Variants in ABCA4 observed in about 807,000 individuals in gnomAD.
ABCA4 encodes ATP binding cassette subfamily A member 4.
Under a neutral mutation model 263.7 loss-of-function variants are expected in ABCA4, and 196 were observed. That is an observed-to-expected ratio of 0.74 (90% CI 0.66 to 0.84). The LOEUF is 0.84. Ranked by LOEUF, ABCA4 falls within the 40% of genes least tolerant of loss-of-function variation. The pLI is 0.00. For missense variants in ABCA4, 2,792 were observed against 2,855.1 expected, an observed-to-expected ratio of 0.98 and a Z score of 0.50; for synonymous variants, 1,133 against 1,094.2, an observed-to-expected ratio of 1.04 and a Z score of -0.70.
At chr1:94,043,794 G>T (rs995288413) in intron 20 of ABCA4, among the ~76,000 whole-genome samples, 1 of 151,842 alleles carries the variant, frequency 6.6e-6, no homozygotes, top group Non-Finnish European at 1.5e-5. Flanking sequence ...AAAAAGTCAG[G>T]TTATAAAATT....
intron 6 of ABCA4, among the ~76,000 whole-genome samples, chr1:94,091,270 CTCT>C: frequency 1.3e-5 from 2 of 152,170 alleles, no homozygotes; most frequent in Non-Finnish European, 2.9e-5. Flanking sequence ...TCCTTCCCAG[CTCT>C]TTTTAGTGGG....
At chr1:94,027,207 T>C (rs746868095) in intron 30 of ABCA4, among the ~76,000 whole-genome samples, 1 of 152,226 alleles carries the variant, frequency 6.6e-6, no homozygotes, top group Non-Finnish European at 1.5e-5. Flanking sequence ...GGAACTGGCT[T>C]GCCTTTTTCT....
chr1:94,062,357 T>A (rs954196109), intron 13 of ABCA4, among the ~76,000 whole-genome samples: 3 of 152,050 alleles, frequency 2.0e-5, no homozygotes, highest in Non-Finnish European at 4.4e-5. Context: ...CAACATCAAC[T>A]CTTTTCCCTT....
intron 6 of ABCA4, among the ~76,000 whole-genome samples, chr1:94,093,721 G>A (rs534566170): frequency 1.3e-5 from 2 of 152,326 alleles, no homozygotes; most frequent in South Asian, 4.1e-4. Context: ...AAGACATCAA[G>A]GCAGGCAAGT....
At chr1:94,060,194 CTG>C (rs1661081186) in intron 14 of ABCA4, among the ~76,000 whole-genome samples, 1 of 152,194 alleles carries the variant, frequency 6.6e-6, no homozygotes, top group African/African-American at 2.4e-5. Context: ...CTGATTTTTT[CTG>C]TGTTTGGAAA....
At position 94,021,622 on chromosome 1, in the gene ABCA4, T is replaced by A; in HGVS notation, c.4848+18A>T. 6.2e-7 allele frequency: 1 copy of A among 1,603,892 alleles called. No homozygotes were observed. Among genetic ancestry groups the A allele is most frequent in the South Asian group, 1.1e-5 (1 of 90,500 alleles). On this transcript the variant is annotated intron_variant, in intron 34 of 49. Coordinates refer to ENST00000370225, the MANE Select transcript of ABCA4 (RefSeq NM_000350.3). The stretch of plus-strand genomic sequence containing the variant: ...GTAAATTTTTAGCTCCAGAGCAGAT[T>A]ATACATAGGTCAAGTACCTTAATGT...
At position 94,078,657 on chromosome 1, in the gene ABCA4, G is replaced by T; in HGVS notation, c.1289C>A (p.Ala430Asp). ...GATCTGGGGCCCTACTTCTTCCCAG[G>T]CTTTGACCAACTTCCTAACGTGTTC... ...ELEHVRKLVK[A>D]WEEVGPQIWY... Residue 430 changes from alanine (A) to aspartate (D), a missense_variant, in exon 10 of 50, where the codon GCC becomes GAC. By Grantham distance (126) the Ala-to-Asp change is moderately radical. Transcript: ENST00000370225. 1 of 1,610,174 alleles carries T rather than the reference G, an allele frequency of 6.2e-7. No individual in the cohort carries two copies. The highest frequency in any genetic ancestry group is 8.5e-7 in the Non-Finnish European group (1 of 1,178,378).
chr1:94,068,257 C>T (rs914305347), intron 11 of ABCA4, among the ~76,000 whole-genome samples: 2 of 152,206 alleles, frequency 1.3e-5, no homozygotes, highest in Non-Finnish European at 2.9e-5. Context: ...TCAGACAACT[C>T]TGCCCACAGG....
chr1:94,015,682 C>A lies in ABCA4; in HGVS notation c.5312+57G>T. ...GGTTTTCTGTCAGGAGATGATCCCC[C>A]ACCCCCACCACCAGGCTTCTCTTCA... On this transcript the variant is annotated intron_variant, in intron 37 of 49. Transcript: ENST00000370225. 5 of 1,413,364 alleles carry A rather than the reference C, an allele frequency of 3.5e-6. No homozygotes were observed. The South Asian group carries it at 4.8e-5, about 13-fold the overall frequency. The allele number at this position is 1,413,364 out of a possible 1,614,324, so 87.6% of individuals were successfully genotyped here.
chr1:94,055,270 C>T lies in ABCA4; in HGVS notation c.2428G>A (p.Val810Ile). The change falls in exon 16 of 50, where the codon GTT becomes ATT. Residue 810 changes from valine (V) to isoleucine (I), a missense_variant. Transcript: ENST00000370225. ...CCCAGGCCTTGCTCTTCAAAGCGAA[C>T]CAGGTACTCAGTGCCAAATCCAAAT... ...VAFGFGTEYLVRFEEQGLGLQ... is the reference protein window; with the variant it reads ...VAFGFGTEYLIRFEEQGLGLQ... The T allele has an allele frequency of 1.2e-6, 2 of 1,614,146 alleles. No individual in the cohort carries two copies. Among genetic ancestry groups the T allele is most frequent in the Non-Finnish European group, 1.7e-6 (2 of 1,180,028 alleles).
intron 11 of ABCA4, among the ~76,000 whole-genome samples, chr1:94,073,426 A>G (rs1439264305): frequency 6.9e-6 from 1 of 145,630 alleles, no homozygotes; most frequent in East Asian, 2.2e-4. Context: ...ACCAGCTTGG[A>G]GGCTGGGCCT....
intron 18 of ABCA4, 98 bp from the exon 19 acceptor site, chr1:94,047,191 C>T: frequency 7.3e-7 from 1 of 1,369,184 alleles, no homozygotes; most frequent in Non-Finnish European, 1.0e-6. Context: ...TATAACGTCA[C>T]CTGCCCCTGT....
intron 43 of ABCA4, among the ~76,000 whole-genome samples, chr1:94,007,121 G>T (rs1659411551): frequency 6.6e-6 from 1 of 152,130 alleles, no homozygotes; most frequent in African/African-American, 2.4e-5. Context: ...TACCCCAAAG[G>T]CCCATGCATG....
intron 15 of ABCA4, among the ~76,000 whole-genome samples, chr1:94,056,163 T>C (rs1456648262): frequency 6.6e-6 from 1 of 152,244 alleles, no homozygotes; most frequent in African/African-American, 2.4e-5. Flanking sequence ...TAAAGATACT[T>C]GTGGAAATAC....
At position 94,063,325 on chromosome 1, in the gene ABCA4, G is replaced by A; in HGVS notation, c.1555-8C>T. 6.2e-7 allele frequency: 1 copy of A among 1,613,868 alleles called. No individual in the cohort carries two copies. The highest frequency in any genetic ancestry group is 8.5e-7 in the Non-Finnish European group (1 of 1,179,760). ...CTTATCCAGGACCAAGCACTGCAGA[G>A]AGTCACAAAGTTGAGAGAGTGTGAG... is the stretch of plus-strand genomic sequence containing the variant. On this transcript the variant is annotated splice_polypyrimidine_tract_variant and splice_region_variant and intron_variant, in intron 11 of 49. Transcript: ENST00000370225.
intron 1 of ABCA4, among the ~76,000 whole-genome samples, chr1:94,114,745 C>T (rs1191292655): frequency 2.0e-5 from 3 of 152,204 alleles, no homozygotes; most frequent in African/African-American, 4.8e-5. Flanking sequence ...CCTCAGCCTC[C>T]CAAAGTGCTG....
intron 1 of ABCA4, among the ~76,000 whole-genome samples, chr1:94,115,126 G>T (rs973250381): frequency 6.6e-6 from 1 of 152,216 alleles, no homozygotes; most frequent in Non-Finnish European, 1.5e-5. Flanking sequence ...CATTCCATCA[G>T]TGGGTAAGGC....
intron 11 of ABCA4, among the ~76,000 whole-genome samples, chr1:94,066,650 T>G (rs1318583655): frequency 6.6e-6 from 1 of 152,200 alleles, no homozygotes; most frequent in Non-Finnish European, 1.5e-5. Context: ...AAGGTCAATC[T>G]AGGTCAGAAG....
At chr1:94,062,165 G>A (rs1440514703) in intron 13 of ABCA4, among the ~76,000 whole-genome samples, 4 of 152,058 alleles carry the variant, frequency 2.6e-5, no homozygotes, top group African/African-American at 9.7e-5. Flanking sequence ...TTATTCCAGG[G>A]CTCCCAGGAA....
Sources: gnomAD v4.1 joint callset for allele counts (sites outside exome capture counted in the v4.1 genomes callset) on GRCh38, gnomAD v4.1.1 for gene constraint, MANE v1.5 for transcripts, NCBI Gene and HGNC (gene_info 2026-07-23, HGNC 2026-07-21) for gene names.